The following SCHIP1 variants were observed in gnomAD, a reference collection of about 807,000 sequenced individuals.
SCHIP1 encodes schwannomin-interacting protein 1.
A neutral mutation model predicts 29.7 loss-of-function variants in SCHIP1; 8 were observed. That is an observed-to-expected ratio of 0.27 (90% CI 0.16 to 0.49). The LOEUF is 0.49. Ranked by LOEUF, SCHIP1 falls within the 20% of genes least tolerant of loss-of-function variation. The probability of loss-of-function intolerance (pLI) is 0.99; values close to 1 mark genes in which losing one functional copy is unlikely to be tolerated. For missense variants in SCHIP1, 193 were observed against 294.6 expected, an observed-to-expected ratio of 0.66 and a Z score of 2.52; for synonymous variants, 76 against 94.9, an observed-to-expected ratio of 0.80 and a Z score of 1.16.
At chr3:159,371,670 G>A in the SCHIP1 span, among the ~76,000 whole-genome samples, 1 of 152,140 alleles carries the variant, frequency 6.6e-6, no homozygotes, top group African/African-American at 2.4e-5. Context: ...AAAATTCACG[G>A]ATGCTGAGGA....
At chr3:159,812,999 C>A in the SCHIP1 span, among the ~76,000 whole-genome samples, 1 of 152,276 alleles carries the variant, frequency 6.6e-6, no homozygotes, top group East Asian at 1.9e-4. Flanking sequence ...GAGAGGCAGC[C>A]TTGCTTTATA....
the SCHIP1 span, among the ~76,000 whole-genome samples, chr3:159,630,566 A>G: frequency 8.5e-5 from 13 of 152,290 alleles, no homozygotes; most frequent in South Asian, 4.1e-4. Flanking sequence ...CTTATTCTAA[A>G]TGAAGTAACT....
chr3:159,303,862 TTTTTC>T, the SCHIP1 span, among the ~76,000 whole-genome samples: 2 of 152,216 alleles, frequency 1.3e-5, no homozygotes, highest in African/African-American at 4.8e-5. Context: ...TCTTTTTTTC[TTTTTC>T]TTTTATTATT....
the SCHIP1 span, among the ~76,000 whole-genome samples, chr3:159,791,834 A>C: frequency 1.3e-5 from 2 of 152,194 alleles, no homozygotes; most frequent in African/African-American, 4.8e-5. Context: ...GAATCCATTA[A>C]TCCCTTTTGA....
the SCHIP1 span, among the ~76,000 whole-genome samples, chr3:159,378,343 GAAT>G: frequency 6.6e-6 from 1 of 152,102 alleles, no homozygotes; most frequent in African/African-American, 2.4e-5. Flanking sequence ...TGGACAAAAA[GAAT>G]AATTTCTTTA....
At chr3:159,320,328 G>T in the SCHIP1 span, among the ~76,000 whole-genome samples, 1 of 152,156 alleles carries the variant, frequency 6.6e-6, no homozygotes, top group African/African-American at 2.4e-5. Flanking sequence ...ACAGTGAGAA[G>T]TCAGCTGTCT....
chr3:159,853,104 GT>G (rs769979512), intron 1 of SCHIP1: 2 of 326,664 alleles, frequency 6.1e-6, no homozygotes, highest in Non-Finnish European at 1.1e-5. Context: ...ACAGCAGATG[GT>G]GGGAAGGCCG....
chr3:159,616,812 A>T, the SCHIP1 span, among the ~76,000 whole-genome samples: 1 of 152,180 alleles, frequency 6.6e-6, no homozygotes, highest in African/African-American at 2.4e-5. Context: ...ATTCAGGCTA[A>T]TGGAACAGCC....
At chr3:159,520,495 A>T in the SCHIP1 span, among the ~76,000 whole-genome samples, 2 of 152,222 alleles carry the variant, frequency 1.3e-5, no homozygotes, top group African/African-American at 2.4e-5. Context: ...TTACACGCGC[A>T]GATATGACCA....
chr3:159,598,681 A>G, the SCHIP1 span, among the ~76,000 whole-genome samples: 2 of 152,284 alleles, frequency 1.3e-5, no homozygotes, highest in South Asian at 4.1e-4. Flanking sequence ...AAGGTGCAAG[A>G]TATCAGTGGA....
chr3:159,881,698 G>A (rs1052606075), intron 2 of SCHIP1, among the ~76,000 whole-genome samples: 4 of 152,138 alleles, frequency 2.6e-5, no homozygotes, highest in South Asian at 2.1e-4. Context: ...CTCTTGCTTC[G>A]TGACCCTGTA....
chr3:159,273,966 A>G, the SCHIP1 span: 1 of 1,558,366 alleles, frequency 6.4e-7, no homozygotes, highest in Non-Finnish European at 8.7e-7. Flanking sequence ...AGTCGAACTA[A>G]GTAACTTTAA....
chr3:159,769,962 C>T, the SCHIP1 span, among the ~76,000 whole-genome samples: 2 of 152,186 alleles, frequency 1.3e-5, no homozygotes, highest in Non-Finnish European at 2.9e-5. Context: ...TGTAATACCA[C>T]CATCTTGTCC....
At chr3:159,665,124 T>C in the SCHIP1 span, among the ~76,000 whole-genome samples, 1 of 152,190 alleles carries the variant, frequency 6.6e-6, no homozygotes, top group Non-Finnish European at 1.5e-5. Context: ...GGCTCTAGCA[T>C]TGGTATTTTC....
chr3:159,800,865 A>G, the SCHIP1 span, among the ~76,000 whole-genome samples: 2 of 152,076 alleles, frequency 1.3e-5, no homozygotes, highest in Admixed American at 6.6e-5. Flanking sequence ...AAGGACCTCC[A>G]TAGCACTGTG....
the SCHIP1 span, among the ~76,000 whole-genome samples, chr3:159,618,674 GCA>G: frequency 6.6e-6 from 1 of 152,342 alleles, no homozygotes; most frequent in South Asian, 2.1e-4. Flanking sequence ...GACTGTCAGT[GCA>G]CAGTTCTTGC....
chr3:159,316,417 T>C, the SCHIP1 span, among the ~76,000 whole-genome samples: 1 of 152,128 alleles, frequency 6.6e-6, no homozygotes, highest in African/African-American at 2.4e-5. Context: ...CTGCTTATAT[T>C]TGCTGGAAGC....
chr3:159,771,941 A>G, the SCHIP1 span, among the ~76,000 whole-genome samples: 9 of 152,278 alleles, frequency 5.9e-5, no homozygotes, highest in East Asian at 7.7e-4. Flanking sequence ...ATGCACATCT[A>G]AAAAACAGAG....
At chr3:159,390,616 T>C in the SCHIP1 span, among the ~76,000 whole-genome samples, 2 of 152,158 alleles carry the variant, frequency 1.3e-5, no homozygotes, top group Non-Finnish European at 2.9e-5. Context: ...ATATTAAGAA[T>C]AGCCCTTAAA....
Sources: gnomAD v4.1 joint callset for allele counts (sites outside exome capture counted in the v4.1 genomes callset) on GRCh38, gnomAD v4.1.1 for gene constraint, MANE v1.5 for transcripts, NCBI Gene and HGNC (gene_info 2026-07-23, HGNC 2026-07-21) for gene names.